The following SH2D4A variants were observed in gnomAD, a reference collection of about 807,000 sequenced individuals.
The protein encoded by SH2D4A is SH2 domain containing 4A.
In SH2D4A, 70 loss-of-function variants were observed where a neutral mutation model predicts 64.7. The observed-to-expected ratio is 1.08, with a 90% CI of 0.89 to 1.32. SH2D4A has a LOEUF of 1.32. Among genes scored for constraint, SH2D4A ranks in the 40% most tolerant of loss-of-function variants. The probability of loss-of-function intolerance (pLI) is 0.00; values close to 1 mark genes in which losing one functional copy is unlikely to be tolerated. For missense variants in SH2D4A, 706 were observed against 540.1 expected (o/e 1.31, Z -3.04); for synonymous variants, 268 against 200.7 (o/e 1.34, Z -2.83).
chr8:19,364,609 C>G (rs537040335), intron 7 of SH2D4A, among the ~76,000 whole-genome samples: 1 of 151,624 alleles, frequency 6.6e-6, no homozygotes, highest in East Asian at 1.9e-4. Flanking sequence ...CAGAGGCAGC[C>G]GGTGAGCCAG....
At chr8:19,318,721 T>C (rs941327945) in intron 1 of SH2D4A, among the ~76,000 whole-genome samples, 2 of 152,224 alleles carry the variant, frequency 1.3e-5, no homozygotes, top group African/African-American at 4.8e-5. Context: ...CTGCCCTGAT[T>C]TTCATGGCTC....
At chr8:19,327,835 C>G (rs908874008) in intron 2 of SH2D4A, among the ~76,000 whole-genome samples, 1 of 152,208 alleles carries the variant, frequency 6.6e-6, no homozygotes, top group African/African-American at 2.4e-5. Context: ...ACTGCCGACA[C>G]CAGTTCTCAC....
At chr8:19,383,686 G>A (rs2153651426) in intron 8 of SH2D4A, among the ~76,000 whole-genome samples, 1 of 152,178 alleles carries the variant, frequency 6.6e-6, no homozygotes, top group Admixed American at 6.5e-5. Flanking sequence ...GGATCAGCCT[G>A]AGGTATAAAC....
At chr8:19,386,090 T>C (rs774718632) in intron 8 of SH2D4A, among the ~76,000 whole-genome samples, 15 of 152,182 alleles carry the variant, frequency 9.9e-5, no homozygotes, top group Non-Finnish European at 1.6e-4. Context: ...ACTGCCGGTG[T>C]GTGGCAGAGA....
chr8:19,324,645 C>G (rs1585145968), intron 2 of SH2D4A, among the ~76,000 whole-genome samples: 1 of 152,138 alleles, frequency 6.6e-6, no homozygotes, highest in East Asian at 1.9e-4. Flanking sequence ...TTTCTTTTTT[C>G]TTCTCTGCCT....
Position 19,341,109 on chromosome 8 carries a change from G to A in SH2D4A, c.513+6252G>A, listed in dbSNP as rs192752879. On this transcript the variant is annotated intron_variant, in intron 4 of 9. Transcript: ENST00000265807. The stretch of plus-strand genomic sequence containing the variant: ...GTCTACTTTAATCCCCACTCTCATC[G>A]TAACTATGACATATTTAAAACAGAA... Among the ~76,000 whole-genome samples the A allele has an allele frequency of 1.1e-3, 168 of 152,216 alleles. 1 individual carries two copies. Among genetic ancestry groups the A allele is most frequent in the South Asian group, 6.6e-3 (32 of 4,816 alleles).
At chr8:19,382,465 A>G (rs975041208) in intron 8 of SH2D4A, among the ~76,000 whole-genome samples, 2 of 152,164 alleles carry the variant, frequency 1.3e-5, no homozygotes, top group Admixed American at 1.3e-4. Context: ...TTCACTTTCA[A>G]TACAATATTC....
Position 19,376,873 on chromosome 8 carries a change from C to CAGAATGTAA in SH2D4A, c.1048+3213_1048+3214insAGAATGTAA, listed in dbSNP as rs1192853182. Among the ~76,000 whole-genome samples, 4 of 152,104 alleles carry CAGAATGTAA rather than the reference C, an allele frequency of 2.6e-5. No individual in the cohort carries two copies. The East Asian group carries it at 7.7e-4, about 29-fold the overall frequency. ...TCAGAATGTAATCAGGCAAAATCATCTCAGAAATCCTCAAAACCACAGGCA... is the reference window on the plus strand; with the variant it reads ...TCAGAATGTAATCAGGCAAAATCATCAGAATGTAATCAGAAATCCTCAAAACCACAGGCA... On this transcript the variant is annotated intron_variant, in intron 8 of 9. Coordinates refer to ENST00000265807, the MANE Select transcript of SH2D4A (RefSeq NM_022071.4).
Position 19,364,196 on chromosome 8 carries a change from G to A in SH2D4A, c.831G>A (p.Leu277=), listed in dbSNP as rs768918783. 4.3e-6 allele frequency: 7 copies of A among 1,614,190 alleles called. No homozygotes were observed. The South Asian group carries it at 4.4e-5, about 10-fold the overall frequency. Residue 277 remains leucine, a synonymous_variant, in exon 7 of 10, where the codon TTG becomes TTA. Coordinates refer to ENST00000265807, the MANE Select transcript of SH2D4A (RefSeq NM_022071.4). ...GRGGERLQSP[L]RVPQKPERPP... is the part of the protein sequence containing the mutation. ...GCGGTGAGAGGCTGCAAAGCCCCTT[G>A]CGTGTTCCGCAGAAACCAGAAAGAC...
At chr8:19,331,989 AC>A (rs2117204709) in intron 2 of SH2D4A, among the ~76,000 whole-genome samples, 1 of 152,324 alleles carries the variant, frequency 6.6e-6, no homozygotes, top group East Asian at 1.9e-4. Context: ...CCCTGTCTCT[AC>A]AAAAAATTTT....
chr8:19,340,020 T>A (rs10448137), intron 4 of SH2D4A, among the ~76,000 whole-genome samples: 4 of 152,098 alleles, frequency 2.6e-5, no homozygotes, highest in Non-Finnish European at 5.9e-5. Context: ...GTGCTGTGAC[T>A]TAAGGGATAG....
chr8:19,369,397 T>A (rs2053057196), intron 7 of SH2D4A, among the ~76,000 whole-genome samples: 1 of 152,158 alleles, frequency 6.6e-6, no homozygotes, highest in South Asian at 2.1e-4. Context: ...TTTGCAGTAG[T>A]TTGAGAAGAA....
intron 1 of SH2D4A, among the ~76,000 whole-genome samples, chr8:19,318,251 A>C (rs2052124302): frequency 6.6e-6 from 1 of 152,070 alleles, no homozygotes; most frequent in South Asian, 2.1e-4. Flanking sequence ...AGTTGTAGTA[A>C]GTTTTTTTTC....
chr8:19,378,587 C>T (rs1292491149), intron 8 of SH2D4A, among the ~76,000 whole-genome samples: 1 of 152,064 alleles, frequency 6.6e-6, no homozygotes, highest in Non-Finnish European at 1.5e-5. Context: ...AGGGGCTTGC[C>T]ACCATGCCCT....
At chr8:19,383,578 A>G (rs1272776927) in intron 8 of SH2D4A, among the ~76,000 whole-genome samples, 1 of 152,036 alleles carries the variant, frequency 6.6e-6, no homozygotes, top group African/African-American at 2.4e-5. Context: ...GGGTATTTGA[A>G]TGTAATAATG....
At chr8:19,343,269 A>T (rs977618215) in intron 4 of SH2D4A, among the ~76,000 whole-genome samples, 6 of 151,912 alleles carry the variant, frequency 3.9e-5, no homozygotes, top group Admixed American at 2.6e-4. Flanking sequence ...TACAGAAATT[A>T]AAAAAAAGAA....
chr8:19,317,946 G>A lies in SH2D4A; in HGVS notation c.-204-1398G>A, dbSNP rs368367238. Among the ~76,000 whole-genome samples, 6 of 152,012 alleles carry A rather than the reference G, an allele frequency of 3.9e-5. No homozygotes were observed. The East Asian group carries it at 1.2e-3, about 29-fold the overall frequency. Reference sequence around the variant, plus strand: ...AGACAGAGTCTCCCTCTGTTGCCCAGGCTGGAGTGTAGTGGCGCGATCTCG... The same window carrying A: ...AGACAGAGTCTCCCTCTGTTGCCCAAGCTGGAGTGTAGTGGCGCGATCTCG... On this transcript the variant is annotated intron_variant, in intron 1 of 9. Transcript: ENST00000265807.
chr8:19,387,745 C>T (rs567009741), intron 8 of SH2D4A, among the ~76,000 whole-genome samples: 1 of 152,292 alleles, frequency 6.6e-6, no homozygotes, highest in South Asian at 2.1e-4. Context: ...TTTAGGCAGT[C>T]ACATGACTCT....
At chr8:19,360,893 ACTT>A (rs2052872943) in intron 5 of SH2D4A, 2 of 201,096 alleles carry the variant, frequency 9.9e-6, no homozygotes, top group South Asian at 1.0e-4. Context: ...TGTGCCAGGG[ACTT>A]CTTAAGTTAT....
Sources: allele counts gnomAD v4.1 joint callset (sites outside exome capture counted in the v4.1 genomes callset), GRCh38; gene constraint gnomAD v4.1.1; transcripts MANE v1.5; gene names NCBI Gene and HGNC (gene_info 2026-07-23, HGNC 2026-07-21).